The following CDH13 variants were observed in gnomAD, a reference collection of about 807,000 sequenced individuals.
The protein encoded by CDH13 is cadherin 13.
CDH13 carries 24 observed loss-of-function variants against 63.8 expected under a neutral mutation model. The observed-to-expected ratio is 0.38, with a 90% CI of 0.27 to 0.53. The LOEUF is 0.53. Ranked by LOEUF, CDH13 falls within the 20% of genes least tolerant of loss-of-function variation. The pLI is 0.85. For missense variants in CDH13, 1,049 were observed against 903.1 expected (o/e 1.16, Z -2.07); for synonymous variants, 503 against 355.3 (o/e 1.42, Z -4.67).
chr16:83,478,297 C>A (rs2073665059), intron 6 of CDH13, among the ~76,000 whole-genome samples: 1 of 152,194 alleles, frequency 6.6e-6, no homozygotes, highest in Non-Finnish European at 1.5e-5. Context: ...CCCACCTCTC[C>A]CGGTTGCCTT....
intron 13 of CDH13, among the ~76,000 whole-genome samples, chr16:83,794,024 G>C (rs956451243): frequency 6.6e-6 from 1 of 152,140 alleles, no homozygotes; most frequent in Non-Finnish European, 1.5e-5. Context: ...TGCCTCTGAA[G>C]ATGAAGGAAG....
intron 4 of CDH13, among the ~76,000 whole-genome samples, chr16:83,198,743 C>G (rs1362002936): frequency 1.3e-5 from 2 of 152,108 alleles, no homozygotes. Context: ...GCTCAGAAGC[C>G]TATAAAAGAT....
At chr16:82,969,941 T>C (rs1022190986) in intron 2 of CDH13, among the ~76,000 whole-genome samples, 3 of 145,202 alleles carry the variant, frequency 2.1e-5, no homozygotes, top group Admixed American at 6.8e-5. Flanking sequence ...GTATTTCTCT[T>C]TTTTTTTTTA....
intron 1 of CDH13, chr16:82,705,031 A>G (rs2031372316): frequency 2.4e-6 from 1 of 414,328 alleles, no homozygotes; most frequent in South Asian, 1.8e-5. Flanking sequence ...TGGACGGGAA[A>G]ATAAACGGTT....
intron 13 of CDH13, among the ~76,000 whole-genome samples, chr16:83,785,365 C>T (rs1447329330): frequency 1.3e-5 from 2 of 152,172 alleles, no homozygotes; most frequent in Non-Finnish European, 2.9e-5. Flanking sequence ...AGGCAGCTCT[C>T]TGGGGCATCT....
At chr16:83,334,299 C>G (rs536209094) in intron 5 of CDH13, among the ~76,000 whole-genome samples, 2 of 151,542 alleles carry the variant, frequency 1.3e-5, no homozygotes, top group African/African-American at 4.8e-5. Flanking sequence ...CTCTCTCCCT[C>G]TCTCTCCCCC....
intron 7 of CDH13, among the ~76,000 whole-genome samples, chr16:83,587,417 G>A (rs1043185240): frequency 2.6e-5 from 4 of 152,202 alleles, no homozygotes; most frequent in Admixed American, 6.5e-5. Flanking sequence ...CGACCCCTCG[G>A]TGAGCTCCTG....
intron 1 of CDH13, among the ~76,000 whole-genome samples, chr16:82,758,692 T>C (rs948902487): frequency 6.6e-6 from 1 of 152,144 alleles, no homozygotes; most frequent in Non-Finnish European, 1.5e-5. Flanking sequence ...GGGTAGTAAA[T>C]GTAGGCACTT....
intron 1 of CDH13, among the ~76,000 whole-genome samples, chr16:82,851,724 C>G (rs1420562806): frequency 6.6e-6 from 1 of 152,012 alleles, no homozygotes; most frequent in Admixed American, 6.6e-5. Flanking sequence ...CTGGAATGCT[C>G]CATTCCTCCA....
intron 8 of CDH13, among the ~76,000 whole-genome samples, chr16:83,669,270 G>A (rs1914288952): frequency 6.6e-6 from 1 of 152,138 alleles, no homozygotes; most frequent in African/African-American, 2.4e-5. Context: ...AACCATAATA[G>A]ATTTTCATGC....
chr16:83,755,691 A>C (rs921787865), intron 11 of CDH13, among the ~76,000 whole-genome samples: 2 of 152,086 alleles, frequency 1.3e-5, no homozygotes, highest in East Asian at 3.8e-4. Flanking sequence ...ACCAACCTAG[A>C]ATTCTTTAGT....
At chr16:83,195,577 G>A (rs755232764) in intron 4 of CDH13, among the ~76,000 whole-genome samples, 2 of 152,014 alleles carry the variant, frequency 1.3e-5, no homozygotes, top group Non-Finnish European at 2.9e-5. Context: ...GCACTAGGAG[G>A]GTGGTGCTAA....
intron 10 of CDH13, among the ~76,000 whole-genome samples, chr16:83,706,588 T>A (rs1181027369): frequency 2.6e-5 from 4 of 152,328 alleles, no homozygotes; most frequent in South Asian, 4.2e-4. Context: ...ATTTGTAAAA[T>A]GACTGTGATT....
chr16:83,628,117 C>G (rs1435394200), intron 8 of CDH13, among the ~76,000 whole-genome samples: 8 of 152,172 alleles, frequency 5.3e-5, no homozygotes, highest in Non-Finnish European at 1.0e-4. Context: ...GCAAGGTCTT[C>G]ATGACCTGTA....
intron 2 of CDH13, among the ~76,000 whole-genome samples, chr16:82,955,995 ACTAGACACTGC>A (rs1906033701): frequency 6.6e-6 from 1 of 152,168 alleles, no homozygotes; most frequent in Non-Finnish European, 1.5e-5. Flanking sequence ...AACTCTGTGT[ACTAGACACTGC>A]CTCTTGGATG....
intron 4 of CDH13, among the ~76,000 whole-genome samples, chr16:83,191,458 AATATATAT>A (rs57044100): frequency 1.8e-3 from 149 of 80,570 alleles, no homozygotes; most frequent in Non-Finnish European, 2.3e-3. Context: ...ACTAATAGGA[AATATATAT>A]ATATATATAT....
intron 5 of CDH13, among the ~76,000 whole-genome samples, chr16:83,288,287 C>G (rs1246106144): frequency 6.6e-6 from 1 of 152,130 alleles, no homozygotes; most frequent in Non-Finnish European, 1.5e-5. Context: ...TTGTGTTGCA[C>G]CAGCTTGTTT....
intron 11 of CDH13, among the ~76,000 whole-genome samples, chr16:83,759,936 T>TAAAAAAAAAA (rs11329988): frequency 7.5e-6 from 1 of 133,378 alleles, no homozygotes. Flanking sequence ...TCAAAACCAA[T>TAAAAAAAAAA]AAAAAAAAAA....
chr16:82,632,941 T>C (rs72832155), intron 1 of CDH13, among the ~76,000 whole-genome samples: 1 of 152,206 alleles, frequency 6.6e-6, no homozygotes, highest in Non-Finnish European at 1.5e-5. Flanking sequence ...CTAGATCCCA[T>C]GCACGCACAC....
Sources: allele counts gnomAD v4.1 joint callset (sites outside exome capture counted in the v4.1 genomes callset), GRCh38; gene constraint gnomAD v4.1.1; transcripts MANE v1.5; gene names NCBI Gene and HGNC (gene_info 2026-07-23, HGNC 2026-07-21).